Variants in BRF1 observed in about 807,000 individuals in gnomAD.
BRF1 encodes BRF1 general transcription factor IIIB subunit.
A neutral mutation model predicts 81.7 loss-of-function variants in BRF1; 59 were observed. The observed-to-expected ratio is 0.72, with a 90% CI of 0.59 to 0.90. BRF1 has a LOEUF of 0.90. Among genes scored for constraint, BRF1 ranks in the 40% least tolerant of loss-of-function variants. BRF1 has a pLI of 0.00. For missense variants in BRF1, 1,050 were observed against 936.3 expected (o/e 1.12, Z -1.58); for synonymous variants, 491 against 395.6 (o/e 1.24, Z -2.86).
rs144196576 is a variant in BRF1 at position 105,280,670 on chromosome 14, T to C, written c.265+5626A>G. Among the ~76,000 whole-genome samples, 557 of 148,932 alleles carry C rather than the reference T, an allele frequency of 3.7e-3. 2 individuals carry two copies. The highest frequency in any genetic ancestry group is 0.013 in the African/African-American group (536 of 40,140). ...GCGTGTGCAGGTGGAGGCTGCATGA[T>C]CCTGAGCCCGGCTGTGCGGTGAAGG... On this transcript the variant is annotated intron_variant, in intron 2 of 17. Coordinates refer to ENST00000547530, the MANE Select transcript of BRF1 (RefSeq NM_001519.4).
chr14:105,252,354 C>G (rs587653237), intron 5 of BRF1, 153 bp downstream of exon 5: 2 of 983,866 alleles, frequency 2.0e-6, no homozygotes, highest in Non-Finnish European at 2.4e-6. Flanking sequence ...TAAGGCCCCA[C>G]ATTACTGAGC....
rs1404991637 is a variant in BRF1, at chr14:105,226,648, G to C, written c.901C>G (p.Leu301Val). The change falls in exon 8 of 18, where the codon CTG (leucine) becomes GTG (valine). Residue 301 changes from leucine to valine, a missense_variant. Leu to Val is a conservative substitution (Grantham distance 32). This residue lies in a region of BRF1 where 1,043 missense variants were observed against 915.4 expected (regional missense o/e 1.14). Coordinates refer to ENST00000547530, the MANE Select transcript of BRF1 (RefSeq NM_001519.4). ...GCCGGCGCTACCTGCTTCATCCGCA[G>C]CTTCCTCTGCCCAGCTGTGTACGAG... Reference protein sequence around the residue: ...PPSYTAGQRKLRMKQLEQVLS... With the variant: ...PPSYTAGQRKVRMKQLEQVLS... 3 of 1,613,122 alleles carry C rather than the reference G, an allele frequency of 1.9e-6. No individual in the cohort carries two copies. Among genetic ancestry groups the C allele is most frequent in the Non-Finnish European group, 2.5e-6 (3 of 1,180,010 alleles).
At chr14:105,226,846 T>C (rs974040004) in intron 7 of BRF1, 86 bp from the exon 8 acceptor site, 1 of 1,591,476 alleles carries the variant, frequency 6.3e-7, no homozygotes, top group Non-Finnish European at 8.5e-7. Flanking sequence ...GCGTGGCTCA[T>C]GCCTGTGATC....
chr14:105,249,608 CCAGCCCCTGACG>C, intron 5 of BRF1: 1 of 1,589,772 alleles, frequency 6.3e-7, no homozygotes, highest in Non-Finnish European at 8.6e-7. Context: ...TGCTTGGGAG[CCAGCCCCTGACG>C]CGGGCCCTGC....
At chr14:105,305,092 G>A (rs773544334), upstream of BRF1, among the ~76,000 whole-genome samples, 27 of 152,136 alleles carry the variant, frequency 1.8e-4, 1 homozygote, top group South Asian at 2.1e-4. Context: ...CCTCATGAGC[G>A]GGATTAATGC....
chr14:105,289,334 C>A (rs1316969037), intron 1 of BRF1, among the ~76,000 whole-genome samples: 36 of 152,170 alleles, frequency 2.4e-4, no homozygotes, highest in Non-Finnish European at 2.9e-5. Context: ...ACGGTGAGAA[C>A]CTGTCTGAAC....
intron 1 of BRF1, among the ~76,000 whole-genome samples, chr14:105,299,575 G>C (rs948345700): frequency 6.6e-6 from 1 of 152,018 alleles, no homozygotes; most frequent in Admixed American, 6.6e-5. Context: ...ATCCTGTCTC[G>C]AGATAAATAA....
At chr14:105,311,947 G>A (rs1445611590) in intron 1 of BRF1, among the ~76,000 whole-genome samples, 2 of 152,250 alleles carry the variant, frequency 1.3e-5, no homozygotes, top group Admixed American at 1.3e-4. Context: ...GGGCTGGGCA[G>A]GGACCTGGCC....
At position 105,241,656 on chromosome 14, in the gene BRF1, GGCAGCGT is replaced by G; in HGVS notation, c.545-249_545-243del. On this transcript the variant is annotated intron_variant, in intron 5 of 17. Coordinates refer to ENST00000547530, the MANE Select transcript of BRF1 (RefSeq NM_001519.4). ...GCCTGCTGCAGACACGCTAGGGCCA[GGCAGCGT>G]GCTCCTACTGCATGGCCGCCCTGCT... 4 of 574,710 alleles carry G rather than the reference GGCAGCGT, an allele frequency of 7.0e-6. No homozygotes were observed. The South Asian group carries it at 7.9e-5, about 11-fold the overall frequency. 35.6% of individuals were successfully genotyped at this position (574,710 alleles called of 1,614,324 possible). A position where few individuals can be genotyped will look rare whatever the true frequency, so the allele number is the denominator to read the frequency against.
At chr14:105,262,547 A>C (rs1473536688) in intron 3 of BRF1, among the ~76,000 whole-genome samples, 1 of 152,170 alleles carries the variant, frequency 6.6e-6, no homozygotes, top group African/African-American at 2.4e-5. Flanking sequence ...CTAGCACCTC[A>C]CCGCTGTCAT....
intron 5 of BRF1, chr14:105,250,732 C>G: frequency 6.7e-7 from 1 of 1,489,956 alleles, no homozygotes. Context: ...AAGATGCTAA[C>G]TGCTTCTTGA....
At chr14:105,213,892 T>C (rs1410406281) in intron 15 of BRF1, among the ~76,000 whole-genome samples, 1 of 152,182 alleles carries the variant, frequency 6.6e-6, no homozygotes, top group African/African-American at 2.4e-5. Flanking sequence ...CTTCCCCCTC[T>C]TCCACGCAGT....
chr14:105,268,232 A>G (rs1470140517), intron 3 of BRF1, among the ~76,000 whole-genome samples: 1 of 152,276 alleles, frequency 6.6e-6, no homozygotes, highest in Non-Finnish European at 1.5e-5. Context: ...AGCCAGGAAA[A>G]GCACACTGGC....
intron 1 of BRF1, among the ~76,000 whole-genome samples, chr14:105,290,941 T>C (rs587700015): frequency 6.6e-6 from 1 of 152,164 alleles, no homozygotes; most frequent in South Asian, 2.1e-4. Context: ...ATGTGGACAG[T>C]GTGAAACCTC....
At chr14:105,214,674 G>A (rs1034625735) in intron 15 of BRF1, among the ~76,000 whole-genome samples, 4 of 152,200 alleles carry the variant, frequency 2.6e-5, no homozygotes, top group South Asian at 2.1e-4. Context: ...AGAGAAAGGG[G>A]GTGCAGCTCA....
intron 7 of BRF1, among the ~76,000 whole-genome samples, chr14:105,228,614 A>G (rs2054197090): frequency 6.6e-6 from 1 of 151,430 alleles, no homozygotes; most frequent in Non-Finnish European, 1.5e-5. Context: ...CCCCAGAAGG[A>G]CTAGCAGGGA....
At position 105,210,707 on chromosome 14, in the gene BRF1, GC is replaced by G; in HGVS notation, c.1997-120del. The stretch of plus-strand genomic sequence containing the variant: ...GACTCAGGCTCCAGCCCCAGCCCCA[GC>G]CCCCCGCGCCCCGCCAGGAGCCATC... On this transcript the variant is annotated intron_variant, in intron 17 of 17. Coordinates refer to ENST00000547530, the MANE Select transcript of BRF1 (RefSeq NM_001519.4). The surrounding 1 kb of genome is among the most constrained non-coding windows in gnomAD (Gnocchi z 4.7). 1.9e-6 allele frequency: 2 copies of G among 1,066,414 alleles called. No individual in the cohort carries two copies. Among genetic ancestry groups the G allele is most frequent in the Non-Finnish European group, 2.6e-6 (2 of 757,250 alleles). 66.1% of individuals were successfully genotyped at this position (1,066,414 alleles called of 1,614,324 possible).
intron 1 of BRF1, 75 bp downstream of exon 1, chr14:105,300,371 G>C (rs1311338580): frequency 7.3e-7 from 1 of 1,370,088 alleles, no homozygotes; most frequent in East Asian, 3.0e-5. Context: ...CGCTGGTCCC[G>C]GCCGCGCCGT....
chr14:105,293,600 G>A (rs1049798799), intron 1 of BRF1, among the ~76,000 whole-genome samples: 3 of 152,214 alleles, frequency 2.0e-5, no homozygotes, highest in South Asian at 2.1e-4. Flanking sequence ...GGGAAGCCCC[G>A]CCTTGCCTCA....
Sources: allele counts gnomAD v4.1 joint callset (sites outside exome capture counted in the v4.1 genomes callset), GRCh38; gene constraint gnomAD v4.1.1; regional missense constraint gnomAD v4.1.1; non-coding constraint Gnocchi (gnomAD v3.1); transcripts MANE v1.5; gene names NCBI Gene and HGNC (gene_info 2026-07-23, HGNC 2026-07-21).